The following MGAT5 variants were observed in gnomAD, a reference collection of about 807,000 sequenced individuals.
The protein encoded by MGAT5 is alpha-1,6-mannosylglycoprotein 6-beta-N-acetylglucosaminyltransferase A.
Under a neutral mutation model 94.3 loss-of-function variants are expected in MGAT5, and 30 were observed. That is an observed-to-expected ratio of 0.32 (90% CI 0.24 to 0.43). MGAT5 has a LOEUF of 0.43. Ranked by LOEUF, MGAT5 falls within the 20% of genes least tolerant of loss-of-function variation. The pLI, the probability that MGAT5 is intolerant of heterozygous loss-of-function variation, is 1.00. For missense variants in MGAT5, 691 were observed against 905.5 expected (o/e 0.76, Z 3.04); for synonymous variants, 310 against 322.9 (o/e 0.96, Z 0.43).
chr2:134,341,076 G>A (rs1688599221), intron 6 of MGAT5, among the ~76,000 whole-genome samples: 1 of 152,148 alleles, frequency 6.6e-6, no homozygotes. Flanking sequence ...GAAAGGATAT[G>A]TCTAGAATTT....
intron 2 of MGAT5, among the ~76,000 whole-genome samples, chr2:134,288,725 C>T (rs1685165175): frequency 6.6e-6 from 1 of 152,042 alleles, no homozygotes; most frequent in South Asian, 2.1e-4. Context: ...AGTGTAATAC[C>T]TCTGTCAGCC....
At chr2:134,431,503 C>T (rs1684872393) in intron 14 of MGAT5, among the ~76,000 whole-genome samples, 2 of 152,142 alleles carry the variant, frequency 1.3e-5, no homozygotes, top group African/African-American at 4.8e-5. Context: ...TAGCTCCAGA[C>T]CCCAGTGTTT....
At chr2:134,131,485 A>C (rs1686161676) in intron 1 of MGAT5, among the ~76,000 whole-genome samples, 1 of 151,956 alleles carries the variant, frequency 6.6e-6, no homozygotes, top group Non-Finnish European at 1.5e-5. Context: ...GAGAAATGGT[A>C]ATGGAAAACG....
chr2:134,279,439 G>A (rs555233252), intron 2 of MGAT5, among the ~76,000 whole-genome samples: 1 of 152,314 alleles, frequency 6.6e-6, no homozygotes, highest in Non-Finnish European at 1.5e-5. Context: ...CTGAGAGGTT[G>A]CTTTGAATGA....
At chr2:134,312,874 A>G (rs1686762136) in intron 2 of MGAT5, among the ~76,000 whole-genome samples, 1 of 152,040 alleles carries the variant, frequency 6.6e-6, no homozygotes, top group Admixed American at 6.6e-5. Flanking sequence ...GGGATAATGT[A>G]TGTGATGTAT....
At chr2:134,126,264 C>T (rs1433753145) in intron 1 of MGAT5, among the ~76,000 whole-genome samples, 6 of 152,178 alleles carry the variant, frequency 3.9e-5, no homozygotes, top group Non-Finnish European at 7.3e-5. Context: ...CTGGTCAATG[C>T]ACACCCAGAA....
intron 1 of MGAT5, among the ~76,000 whole-genome samples, chr2:134,189,284 T>C (rs985986504): frequency 2.0e-5 from 3 of 152,134 alleles, no homozygotes; most frequent in African/African-American, 7.2e-5. Flanking sequence ...GCCTGAGTCA[T>C]CTCATCTTAG....
rs143717060 is a variant in MGAT5, at chr2:134,283,764, T to C, written c.406+13214T>C. Among the ~76,000 whole-genome samples the C allele has an allele frequency of 2.7e-3, 412 of 151,302 alleles. 5 individuals are homozygous for C. The highest frequency in any genetic ancestry group is 0.017 in the East Asian group (88 of 5,130). The stretch of plus-strand genomic sequence containing the variant: ...AAGTTGTCATTGGTCTTCATGGTTA[T>C]TTATGAGGCTTGACTTAAGCTGGGT... On this transcript the variant is annotated intron_variant, in intron 2 of 15. Transcript: ENST00000281923.
chr2:134,274,533 T>C (rs917711950), intron 2 of MGAT5, among the ~76,000 whole-genome samples: 1 of 134,436 alleles, frequency 7.4e-6, no homozygotes, highest in Non-Finnish European at 1.5e-5. Flanking sequence ...TGTGATACTT[T>C]AGAGGACAAG....
chr2:134,440,512 C>T (rs1449263777), intron 14 of MGAT5, among the ~76,000 whole-genome samples: 6 of 152,164 alleles, frequency 3.9e-5, no homozygotes, highest in Non-Finnish European at 5.9e-5. Flanking sequence ...ATGCACCCCG[C>T]GATAGAACCA....
At chr2:134,360,696 A>C (rs1188786229) in intron 9 of MGAT5, among the ~76,000 whole-genome samples, 1 of 152,238 alleles carries the variant, frequency 6.6e-6, no homozygotes, top group Admixed American at 6.5e-5. Flanking sequence ...CTAATCCTTG[A>C]AAATTCCCTA....
intron 1 of MGAT5, among the ~76,000 whole-genome samples, chr2:134,173,220 T>G (rs528279474): frequency 6.6e-6 from 1 of 152,344 alleles, no homozygotes; most frequent in Admixed American, 6.5e-5. Flanking sequence ...TCCCACACCC[T>G]GCTTAATAGG....
intron 2 of MGAT5, among the ~76,000 whole-genome samples, chr2:134,278,557 A>G (rs1463467589): frequency 1.3e-5 from 2 of 152,196 alleles, no homozygotes; most frequent in Admixed American, 1.3e-4. Context: ...GAGATTTCAG[A>G]TGAGCAGATA....
At chr2:134,239,529 G>A (rs1169756467) in intron 1 of MGAT5, among the ~76,000 whole-genome samples, 2 of 152,174 alleles carry the variant, frequency 1.3e-5, no homozygotes, top group Non-Finnish European at 2.9e-5. Flanking sequence ...AGGAAAGACT[G>A]TTGACATCCT....
chr2:134,191,078 C>T (rs150078596), intron 1 of MGAT5, among the ~76,000 whole-genome samples: 2 of 152,338 alleles, frequency 1.3e-5, no homozygotes, highest in Non-Finnish European at 2.9e-5. Context: ...TGTGTCCCTC[C>T]CCGCCAGTCC....
intron 2 of MGAT5, among the ~76,000 whole-genome samples, chr2:134,303,412 G>A (rs1378429244): frequency 6.6e-6 from 1 of 152,158 alleles, no homozygotes; most frequent in East Asian, 1.9e-4. Context: ...CCTCTGAAGA[G>A]TACTGATTTT....
intron 13 of MGAT5, among the ~76,000 whole-genome samples, chr2:134,425,381 T>C (rs574372133): frequency 2.9e-4 from 44 of 152,248 alleles, no homozygotes; most frequent in African/African-American, 7.9e-4. Flanking sequence ...GTTTTTGTTT[T>C]GTTTTGTTTT....
At chr2:134,413,125 G>C (rs889994105) in intron 12 of MGAT5, 110 bp downstream of exon 12, 3 of 1,265,580 alleles carry the variant, frequency 2.4e-6, no homozygotes, top group Non-Finnish European at 3.3e-6. Flanking sequence ...GGAGGGTGAG[G>C]GTATAGAGGC....
At chr2:134,383,047 A>G (rs1241914446) in intron 10 of MGAT5, among the ~76,000 whole-genome samples, 1 of 152,242 alleles carries the variant, frequency 6.6e-6, no homozygotes, top group African/African-American at 2.4e-5. Flanking sequence ...AATTTGGGGT[A>G]GTCAAGGTAC....
Sources: gnomAD v4.1 joint callset for allele counts (sites outside exome capture counted in the v4.1 genomes callset) on GRCh38, gnomAD v4.1.1 for gene constraint, MANE v1.5 for transcripts, NCBI Gene and HGNC (gene_info 2026-07-23, HGNC 2026-07-21) for gene names.